KCNH1: variants seen among roughly 807,000 people sequenced by gnomAD.
The protein encoded by KCNH1 is potassium voltage-gated channel subfamily H member 1, also known as voltage-gated delayed rectifier potassium channel KCNH1.
KCNH1 carries 27 observed loss-of-function variants against 69.2 expected under a neutral mutation model. That is an observed-to-expected ratio of 0.39 (90% CI 0.29 to 0.54). The LOEUF is 0.54. KCNH1 is among the 20% of genes least tolerant of loss of function. The probability of loss-of-function intolerance (pLI) is 0.68; values close to 1 mark genes in which losing one functional copy is unlikely to be tolerated. For missense variants in KCNH1, 798 were observed against 1,261.6 expected, an observed-to-expected ratio of 0.63 and a Z score of 5.57; for synonymous variants, 456 against 487.7, an observed-to-expected ratio of 0.93 and a Z score of 0.86.
At chr1:210,884,013 A>T (rs1367552779) in intron 7 of KCNH1, among the ~76,000 whole-genome samples, 1 of 152,224 alleles carries the variant, frequency 6.6e-6, no homozygotes, top group African/African-American at 2.4e-5. Context: ...ACAGACACTA[A>T]CAGCTCTAAT....
intron 5 of KCNH1, among the ~76,000 whole-genome samples, chr1:211,023,309 G>A (rs1181384904): frequency 6.6e-6 from 1 of 151,524 alleles, no homozygotes; most frequent in Non-Finnish European, 1.5e-5. Flanking sequence ...CCCATTGGTG[G>A]GTATATATCC....
intron 7 of KCNH1, among the ~76,000 whole-genome samples, chr1:210,872,546 C>T (rs922923356): frequency 6.6e-6 from 1 of 152,116 alleles, no homozygotes; most frequent in Non-Finnish European, 1.5e-5. Context: ...GCAGGCTGTA[C>T]AGAAAGCACG....
At chr1:210,753,535 C>T (rs1456063707) in intron 10 of KCNH1, among the ~76,000 whole-genome samples, 3 of 152,156 alleles carry the variant, frequency 2.0e-5, no homozygotes, top group Non-Finnish European at 4.4e-5. Context: ...GCTCAGGGCC[C>T]AAGTGTTTGA....
At chr1:210,967,463 A>G (rs1688429565) in intron 6 of KCNH1, among the ~76,000 whole-genome samples, 1 of 152,094 alleles carries the variant, frequency 6.6e-6, no homozygotes, top group Non-Finnish European at 1.5e-5. Flanking sequence ...ATTTTATCTG[A>G]AGCTTCTTGT....
intron 5 of KCNH1, among the ~76,000 whole-genome samples, chr1:211,023,194 G>A (rs936636901): frequency 2.0e-5 from 3 of 150,902 alleles, no homozygotes; most frequent in African/African-American, 7.3e-5. Flanking sequence ...CAGATGAAGG[G>A]GAATTATTAC....
chr1:210,865,055 C>T (rs1346604192), intron 7 of KCNH1, among the ~76,000 whole-genome samples: 1 of 152,208 alleles, frequency 6.6e-6, no homozygotes, highest in Non-Finnish European at 1.5e-5. Context: ...TATAATGTGA[C>T]TTCTGCCATA....
intron 10 of KCNH1, among the ~76,000 whole-genome samples, chr1:210,699,660 C>T (rs984863991): frequency 6.6e-6 from 1 of 152,200 alleles, no homozygotes; most frequent in African/African-American, 2.4e-5. Context: ...CTCCACACCC[C>T]CAACCCTGCC....
chr1:210,889,139 G>A (rs372334415), intron 7 of KCNH1, among the ~76,000 whole-genome samples: 15 of 152,146 alleles, frequency 9.9e-5, no homozygotes, highest in East Asian at 9.6e-4. Context: ...GATGAACATC[G>A]ATGCAAAAAT....
At chr1:211,112,021 G>A (rs1052935752) in intron 1 of KCNH1, among the ~76,000 whole-genome samples, 3 of 149,934 alleles carry the variant, frequency 2.0e-5, no homozygotes, top group Non-Finnish European at 4.4e-5. Context: ...GGGAAGTGAG[G>A]AGCGCCTCTG....
intron 7 of KCNH1, among the ~76,000 whole-genome samples, chr1:210,897,179 G>A (rs77840560): frequency 0.013 from 1,995 of 152,310 alleles, 21 homozygotes; most frequent in Non-Finnish European, 0.02. Context: ...GTAATGGATG[G>A]TAAGAAGCTG....
At chr1:210,914,845 G>A (rs1687302711) in intron 7 of KCNH1, among the ~76,000 whole-genome samples, 2 of 152,306 alleles carry the variant, frequency 1.3e-5, no homozygotes, top group Admixed American at 1.3e-4. Context: ...GCTGTGAAGT[G>A]CTGAGGTAGG....
rs138534910 is a variant in KCNH1 at position 210,861,992 on chromosome 1, T to C, written c.1462+57648A>G. On this transcript the variant is annotated intron_variant, in intron 7 of 10. Transcript: ENST00000271751. ...CTGATGAGCTCAGGAGGATGGATAA[T>C]GGCTTCTACAATATTTTCTCAAATA... 2.2e-3 allele frequency: 1,707 copies of C among 762,122 alleles called. 29 individuals carry two copies. The East Asian group carries it at 0.039, about 17-fold the overall frequency. 47.2% of individuals were successfully genotyped at this position (762,122 alleles called of 1,614,324 possible).
chr1:211,036,767 G>A (rs1017103445), intron 5 of KCNH1, among the ~76,000 whole-genome samples: 1 of 152,136 alleles, frequency 6.6e-6, no homozygotes, highest in African/African-American at 2.4e-5. Context: ...ATGAGCATGT[G>A]CTTCTATTGT....
At chr1:211,038,040 A>T (rs1689929440) in intron 5 of KCNH1, among the ~76,000 whole-genome samples, 2 of 149,718 alleles carry the variant, frequency 1.3e-5, no homozygotes, top group South Asian at 2.1e-4. Context: ...GCTCACTGCA[A>T]GCTCCACCTC....
rs114867361 is a variant in KCNH1 at position 210,877,450 on chromosome 1, C to T, written c.1462+42190G>A. On this transcript the variant is annotated intron_variant, in intron 7 of 10. Coordinates refer to ENST00000271751, the MANE Select transcript of KCNH1 (RefSeq NM_172362.3). ...CATCAAAGCAGGTAGGGCAAAGAATCCATTTCCTTCACATTGAAGTCACAC... is the reference window on the plus strand; with the variant it reads ...CATCAAAGCAGGTAGGGCAAAGAATTCATTTCCTTCACATTGAAGTCACAC... Among the ~76,000 whole-genome samples, 562 of 152,284 alleles carry T rather than the reference C, an allele frequency of 3.7e-3. 4 individuals carry two copies. Among genetic ancestry groups the T allele is most frequent in the African/African-American group, 0.013 (542 of 41,552 alleles).
At chr1:210,910,293 A>AT (rs1403265095) in intron 7 of KCNH1, among the ~76,000 whole-genome samples, 168 of 150,554 alleles carry the variant, frequency 1.1e-3, no homozygotes, top group East Asian at 9.3e-3. Context: ...AAAAAAAAAA[A>AT]AATCATCAAA....
intron 5 of KCNH1, among the ~76,000 whole-genome samples, chr1:211,030,929 G>T (rs1423153974): frequency 1.3e-5 from 2 of 151,596 alleles, no homozygotes; most frequent in African/African-American, 4.8e-5. Context: ...CTGAGTAAAA[G>T]GTATAAACAG....
At chr1:210,744,978 G>A (rs552506457) in intron 10 of KCNH1, among the ~76,000 whole-genome samples, 1 of 152,320 alleles carries the variant, frequency 6.6e-6, no homozygotes, top group East Asian at 1.9e-4. Flanking sequence ...CAAGGCGGGT[G>A]GATCACCCGA....
chr1:210,933,286 T>C (rs1687711659), intron 6 of KCNH1, among the ~76,000 whole-genome samples: 1 of 151,334 alleles, frequency 6.6e-6, no homozygotes, highest in Non-Finnish European at 1.5e-5. Context: ...CACCACATAT[T>C]CTCACTCATA....
Sources: gnomAD v4.1 joint callset for allele counts (sites outside exome capture counted in the v4.1 genomes callset) on GRCh38, gnomAD v4.1.1 for gene constraint, MANE v1.5 for transcripts, NCBI Gene and HGNC (gene_info 2026-07-23, HGNC 2026-07-21) for gene names.